Variants in KIF7 observed in about 807,000 individuals in gnomAD.
The protein encoded by KIF7 is kinesin family member 7.
KIF7 carries 104 observed loss-of-function variants against 135.7 expected under a neutral mutation model. The ratio of observed to expected loss-of-function variants is 0.77; its 90% confidence interval spans 0.65 to 0.90. The LOEUF is 0.90. Among genes scored for constraint, KIF7 ranks in the 40% least tolerant of loss-of-function variants. The pLI is 0.00. For synonymous variants in KIF7, 883 were observed against 809.4 expected, an observed-to-expected ratio of 1.09 and a Z score of -1.54; for missense variants, 2,005 against 1,839.1, an observed-to-expected ratio of 1.09 and a Z score of -1.65.
At chr15:89,624,835 T>C (rs1398600443), downstream of KIF7, 14 of 1,614,018 alleles carry the variant, frequency 8.7e-6, no homozygotes, top group Non-Finnish European at 1.2e-5. Context: ...GATTCCCCCA[T>C]CTCCTCCTTC....
At chr15:89,641,936 C>CA in intron 11 of KIF7, among the ~76,000 whole-genome samples, 1 of 152,230 alleles carries the variant, frequency 6.6e-6, no homozygotes, top group Middle Eastern at 3.4e-3. Flanking sequence ...CTGCACGCTG[C>CA]AGGGTAGGTT....
At chr15:89,648,190 C>T in intron 5 of KIF7, 65 bp downstream of exon 5, 3 of 1,396,010 alleles carry the variant, frequency 2.1e-6, no homozygotes, top group Non-Finnish European at 2.8e-6. Flanking sequence ...TCTGAAGACC[C>T]TCTTCCTTCC....
Position 89,633,757 on chromosome 15 carries a change from G to A in KIF7, c.2521C>T (p.Arg841Trp), listed in dbSNP as rs147040400. ...TTCTGCTCCGTCTCCTCGCGAAGCCGCCTCTGCAGCTGTCCCTGCTGCTGC... is the reference window on the plus strand; with the variant it reads ...TTCTGCTCCGTCTCCTCGCGAAGCCACCTCTGCAGCTGTCCCTGCTGCTGC... ...MRQQQGQLQR[R>W]LREETEQKRR... Residue 841 changes from arginine (R) to tryptophan (W), a missense_variant, in exon 12 of 19, where the codon CGG (arginine) becomes TGG (tryptophan). Coordinates refer to ENST00000394412, the MANE Select transcript of KIF7 (RefSeq NM_198525.3). 2.3e-5 allele frequency: 37 copies of A among 1,610,172 alleles called. No homozygotes were observed. The highest frequency in any genetic ancestry group is 2.5e-5 in the Non-Finnish European group (29 of 1,179,988).
chr15:89,629,734 G>C, intron 16 of KIF7, 161 bp from the exon 17 acceptor site: 1 of 853,688 alleles, frequency 1.2e-6, no homozygotes, highest in Non-Finnish European at 1.8e-6. Context: ...CACCTCAGCA[G>C]TGCTCTAGTT....
chr15:89,621,176 C>T (rs1015456349), intron 1 of KIF7, among the ~76,000 whole-genome samples: 2 of 152,112 alleles, frequency 1.3e-5, no homozygotes, highest in African/African-American at 2.4e-5. Context: ...CCTGCCACCA[C>T]GCCCAGCTAA....
At chr15:89,630,148 C>T (rs1015598849) in intron 16 of KIF7, 139 bp downstream of exon 16, 17 of 758,754 alleles carry the variant, frequency 2.2e-5, no homozygotes, top group African/African-American at 1.4e-4. Flanking sequence ...TAAGGTCAGG[C>T]GGCCCTGCAG....
intron 15 of KIF7, chr15:89,630,801 C>A (rs1201454993): frequency 2.1e-6 from 1 of 476,958 alleles, no homozygotes; most frequent in East Asian, 4.1e-5. Flanking sequence ...GGAGGCACCA[C>A]GGTGTCTGCT....
chr15:89,621,567 A>G (rs2141981675), intron 1 of KIF7: 1 of 1,595,748 alleles, frequency 6.3e-7, no homozygotes, highest in East Asian at 2.2e-5. Context: ...TGTTTCTGTA[A>G]TGTTTGAAAT....
At chr15:89,646,493 G>A (rs900958185) in intron 7 of KIF7, among the ~76,000 whole-genome samples, 2 of 152,304 alleles carry the variant, frequency 1.3e-5, no homozygotes, top group African/African-American at 4.8e-5. Flanking sequence ...TCCAAAGACA[G>A]AGGGGGTGGT....
At chr15:89,624,148 C>T, downstream of KIF7, 2 of 1,613,980 alleles carry the variant, frequency 1.2e-6, no homozygotes, top group Non-Finnish European at 8.5e-7. Flanking sequence ...GGCAGAGGAA[C>T]CAGCCCAGAA....
chr15:89,625,730 C>G (rs138704453), downstream of KIF7: 10 of 1,613,000 alleles, frequency 6.2e-6, no homozygotes, highest in Non-Finnish European at 8.5e-6. Context: ...GAGGGGTCTC[C>G]AAGTTGGAGT....
intron 16 of KIF7, 144 bp from the exon 17 acceptor site, chr15:89,629,717 C>CAGATAAG: frequency 1.0e-6 from 1 of 998,432 alleles, no homozygotes; most frequent in Non-Finnish European, 1.5e-6. Context: ...CAAGACTCAG[C>CAGATAAG]CTCAGACACC....
intron 11 of KIF7, among the ~76,000 whole-genome samples, chr15:89,640,175 G>A (rs1210357179): frequency 6.6e-6 from 1 of 151,924 alleles, no homozygotes; most frequent in Non-Finnish European, 1.5e-5. Flanking sequence ...ATAGCACTGG[G>A]AGATATACCT....
At chr15:89,627,170 C>G, downstream of KIF7, 8 of 1,547,710 alleles carry the variant, frequency 5.2e-6, no homozygotes, top group South Asian at 1.1e-5. Flanking sequence ...GGTCCCAAGC[C>G]TCTTTTGCCA....
At chr15:89,620,322 C>T (rs1452310011) in intron 1 of KIF7, among the ~76,000 whole-genome samples, 1 of 152,148 alleles carries the variant, frequency 6.6e-6, no homozygotes, top group African/African-American at 2.4e-5. Flanking sequence ...GATCCTCCCA[C>T]CTTAGCCTCC....
intron 1 of KIF7, among the ~76,000 whole-genome samples, chr15:89,653,754 G>T (rs992382766): frequency 2.2e-4 from 5 of 23,170 alleles, no homozygotes; most frequent in African/African-American, 6.7e-4. Context: ...ATTAGTATTA[G>T]TATTAGTATT....
intron 12 of KIF7, 39 bp downstream of exon 12, chr15:89,633,647 G>C (rs1200006713): frequency 1.3e-5 from 20 of 1,595,866 alleles, no homozygotes; most frequent in Non-Finnish European, 1.7e-5. Flanking sequence ...TCAGCCTATT[G>C]GCCTGGACAG....
In KIF7 at chr15:89,649,164, C is replaced by T. The variant is rs1212811357; in HGVS notation, c.733G>A (p.Val245Ile). ...LPRPAPGQLL[V>I]SKFHFVDLAG... is the part of the protein sequence containing the mutation. ...AGGTCCACGAAGTGGAACTTGGAGA[C>T]GAGCAGCTGGCCCGGGGCGGGGCGG... The change falls in exon 4 of 19, where the codon GTC becomes ATC. Residue 245 changes from valine to isoleucine, a missense_variant. Transcript: ENST00000394412. 3 of 1,548,020 alleles carry T rather than the reference C, an allele frequency of 1.9e-6. No individual in the cohort carries two copies. Among genetic ancestry groups the T allele is most frequent in the East Asian group, 2.4e-5 (1 of 40,904 alleles).
At chr15:89,623,938 T>C, downstream of KIF7, 2 of 1,614,012 alleles carry the variant, frequency 1.2e-6, no homozygotes, top group Non-Finnish European at 1.7e-6. Context: ...TTTGCCAAAC[T>C]GTACTTGGCC....
Sources: gnomAD v4.1 joint callset for allele counts (sites outside exome capture counted in the v4.1 genomes callset) on GRCh38, gnomAD v4.1.1 for gene constraint, MANE v1.5 for transcripts, NCBI Gene and HGNC (gene_info 2026-07-23, HGNC 2026-07-21) for gene names.